Variants in GADL1 observed in about 807,000 individuals in gnomAD.
GADL1 encodes the protein acidic amino acid decarboxylase GADL1.
Under a neutral mutation model 69.5 loss-of-function variants are expected in GADL1, and 71 were observed. The ratio of observed to expected loss-of-function variants is 1.02; its 90% CI spans 0.84 to 1.25. The LOEUF (loss-of-function observed/expected upper bound fraction) is 1.25. GADL1 is among the 50% of genes most tolerant of loss of function. GADL1 has a pLI of 0.00. For synonymous variants in GADL1, 254 were observed against 214.4 expected, an observed-to-expected ratio of 1.18 and a Z score of -1.62; for missense variants, 737 against 631.8, an observed-to-expected ratio of 1.17 and a Z score of -1.79.
chr3:30,829,140 G>A (rs1310439136), intron 11 of GADL1, among the ~76,000 whole-genome samples: 2 of 147,082 alleles, frequency 1.4e-5, no homozygotes, highest in South Asian at 2.1e-4. Context: ...AAACAGCCAC[G>A]CAAATCCCGC....
intron 1 of GADL1, among the ~76,000 whole-genome samples, chr3:30,891,150 G>A (rs1698780555): frequency 6.6e-6 from 1 of 152,080 alleles, no homozygotes; most frequent in Non-Finnish European, 1.5e-5. Context: ...CATGATCTGA[G>A]AGGAACAGAA....
chr3:30,779,840 C>T (rs1696619043), intron 13 of GADL1, among the ~76,000 whole-genome samples: 1 of 152,164 alleles, frequency 6.6e-6, no homozygotes, highest in Admixed American at 6.5e-5. Context: ...GATATTTCTC[C>T]CATGACATGT....
chr3:30,889,466 G>A (rs1211028946), intron 1 of GADL1, among the ~76,000 whole-genome samples: 3 of 152,186 alleles, frequency 2.0e-5, no homozygotes, highest in Non-Finnish European at 4.4e-5. Context: ...CACTTACACA[G>A]GAGGTATTCG....
intron 14 of GADL1, among the ~76,000 whole-genome samples, chr3:30,768,909 CA>C (rs1378580375): frequency 3.9e-5 from 6 of 152,070 alleles, no homozygotes; most frequent in African/African-American, 1.2e-4. Flanking sequence ...AAAGTGCCAC[CA>C]GGGGGCAGGC....
intron 14 of GADL1, among the ~76,000 whole-genome samples, chr3:30,758,367 C>CTTCT: frequency 6.6e-6 from 1 of 152,288 alleles, no homozygotes; most frequent in African/African-American, 2.4e-5. Flanking sequence ...CCAGCTCTTC[C>CTTCT]TTCCGTCAGA....
intron 14 of GADL1, among the ~76,000 whole-genome samples, chr3:30,767,929 TAC>T (rs1223702436): frequency 6.6e-6 from 1 of 151,862 alleles, no homozygotes; most frequent in African/African-American, 2.4e-5. Flanking sequence ...AAAAAATGAA[TAC>T]ACTGACAATC....
chr3:30,788,449 T>G (rs907732829), intron 12 of GADL1, among the ~76,000 whole-genome samples: 3 of 152,192 alleles, frequency 2.0e-5, no homozygotes, highest in African/African-American at 7.2e-5. Flanking sequence ...TATCTGAGAC[T>G]TCAGTGAGTT....
At chr3:30,845,290 C>T (rs940965480) in intron 6 of GADL1, among the ~76,000 whole-genome samples, 1 of 151,996 alleles carries the variant, frequency 6.6e-6, no homozygotes, top group Non-Finnish European at 1.5e-5. Flanking sequence ...TACATGAAGC[C>T]CATAAAATAA....
intron 11 of GADL1, among the ~76,000 whole-genome samples, chr3:30,819,198 C>T (rs879381583): frequency 8.1e-6 from 1 of 123,966 alleles, no homozygotes; most frequent in Admixed American, 8.3e-5. Flanking sequence ...CTTGGTGCCC[C>T]GGGTTTACAC....
At chr3:30,832,890 C>T (rs1048608151) in intron 11 of GADL1, among the ~76,000 whole-genome samples, 52 of 148,398 alleles carry the variant, frequency 3.5e-4, no homozygotes, top group African/African-American at 1.3e-3. Flanking sequence ...TCTATAGAAG[C>T]AAAACCTGTT....
At chr3:30,864,925 A>G (rs7641301) in intron 1 of GADL1, among the ~76,000 whole-genome samples, 55,511 of 151,704 alleles carry the variant, frequency 0.37, 10,615 homozygotes, top group East Asian at 0.69. Flanking sequence ...GACTATTCTC[A>G]ACACAGTACC....
intron 2 of GADL1, 77 bp downstream of exon 2, chr3:30,861,516 T>C (rs6774917): frequency 0.19 from 208,069 of 1,087,642 alleles, 22,936 homozygotes; most frequent in East Asian, 0.5. Context: ...TCCCATTTGC[T>C]TTCTATTCAG....
chr3:30,818,489 T>C (rs1300004134), intron 11 of GADL1, among the ~76,000 whole-genome samples: 1 of 151,662 alleles, frequency 6.6e-6, no homozygotes, highest in Non-Finnish European at 1.5e-5. Context: ...TTGATTAAGA[T>C]TTTTTTTTCC....
rs764165566 is a variant in GADL1 at position 30,800,999 on chromosome 3, CTT to C, written c.1138_1139del (p.Lys380ValfsTer5). 1 of 1,613,678 alleles carries C rather than the reference CTT, an allele frequency of 6.2e-7. No homozygotes were observed. Among genetic ancestry groups the C allele is most frequent in the Admixed American group, 1.7e-5 (1 of 60,028 alleles). ...CTGGTCTTCTGCTACACTGGATAGACTTGTCTCCTGTGTCATAGCTCACATCA... is the reference window on the plus strand; with the variant it reads ...CTGGTCTTCTGCTACACTGGATAGACGTCTCCTGTGTCATAGCTCACATCA... The part of the protein sequence containing the change: ...FYDVSYDTGD[K>X]SIQCSRRPDA... On this transcript the variant is annotated frameshift_variant, in exon 12 of 15. Coordinates refer to ENST00000282538, the MANE Select transcript of GADL1 (RefSeq NM_207359.3). LOFTEE classifies it high-confidence loss of function.
At chr3:30,753,961 C>T (rs1182509369) in intron 14 of GADL1, among the ~76,000 whole-genome samples, 1 of 152,238 alleles carries the variant, frequency 6.6e-6, no homozygotes, top group African/African-American at 2.4e-5. Flanking sequence ...ACTGTTAGCA[C>T]GCTAAAAGCC....
intron 8 of GADL1, among the ~76,000 whole-genome samples, chr3:30,843,403 G>A (rs1299760518): frequency 6.6e-6 from 1 of 152,022 alleles, no homozygotes; most frequent in East Asian, 1.9e-4. Context: ...TTACAGGCAT[G>A]CACCACCACG....
chr3:30,849,160 TG>T, intron 6 of GADL1, among the ~76,000 whole-genome samples: 1 of 152,184 alleles, frequency 6.6e-6, no homozygotes, highest in African/African-American at 2.4e-5. Flanking sequence ...GAGGCATCAC[TG>T]GAATCATCCC....
At chr3:30,852,364 T>C (rs1322592207) in intron 4 of GADL1, among the ~76,000 whole-genome samples, 1 of 151,814 alleles carries the variant, frequency 6.6e-6, no homozygotes, top group Non-Finnish European at 1.5e-5. Flanking sequence ...ATACAAAAAT[T>C]AGCCACGCAT....
At chr3:30,741,154 G>A (rs1227992605) in intron 14 of GADL1, among the ~76,000 whole-genome samples, 1 of 135,740 alleles carries the variant, frequency 7.4e-6, no homozygotes, top group Admixed American at 7.5e-5. Flanking sequence ...GAGATAGGTG[G>A]TTTGTTTGTA....
Sources: allele counts gnomAD v4.1 joint callset (sites outside exome capture counted in the v4.1 genomes callset), GRCh38; gene constraint gnomAD v4.1.1; transcripts MANE v1.5; gene names NCBI Gene and HGNC (gene_info 2026-07-23, HGNC 2026-07-21).